EIF2B3: variants seen among roughly 807,000 people sequenced by gnomAD.
EIF2B3 encodes translation initiation factor eIF2B subunit gamma.
In EIF2B3, 20 loss-of-function variants were observed where a neutral mutation model predicts 54.1. That is an observed-to-expected ratio of 0.37 (90% confidence interval 0.26 to 0.54). EIF2B3 has a LOEUF of 0.54. Ranked by LOEUF, EIF2B3 falls within the 20% of genes least tolerant of loss-of-function variation. The probability of loss-of-function intolerance (pLI) is 0.86; values close to 1 mark genes in which losing one functional copy is unlikely to be tolerated. For missense variants in EIF2B3, 448 were observed against 547.8 expected, an observed-to-expected ratio of 0.82 and a Z score of 1.82; for synonymous variants, 153 against 188.1, an observed-to-expected ratio of 0.81 and a Z score of 1.52.
chr1:44,886,345 G>A (rs898211872), intron 6 of EIF2B3, among the ~76,000 whole-genome samples: 50 of 152,152 alleles, frequency 3.3e-4, no homozygotes, highest in African/African-American at 1.2e-3. Flanking sequence ...CTCCCAAAGT[G>A]CTGGGATTAC....
chr1:44,896,276 G>A (rs769824557), intron 6 of EIF2B3, among the ~76,000 whole-genome samples: 12 of 152,186 alleles, frequency 7.9e-5, no homozygotes, highest in Non-Finnish European at 1.5e-4. Flanking sequence ...GGGAAACAGA[G>A]CTATAACAAT....
At chr1:44,926,379 G>T (rs528368473) in intron 5 of EIF2B3, among the ~76,000 whole-genome samples, 1 of 151,736 alleles carries the variant, frequency 6.6e-6, no homozygotes, top group Non-Finnish European at 1.5e-5. Flanking sequence ...AGACAGTCCT[G>T]TTCTCCTCAC....
Position 44,875,671 on chromosome 1 carries a change from A to T in EIF2B3, c.1000T>A (p.Cys334Ser). The T allele has an allele frequency of 6.2e-7, 1 of 1,614,192 alleles. No individual in the cohort carries two copies. The highest frequency in any genetic ancestry group is 8.5e-7 in the Non-Finnish European group (1 of 1,180,034). Residue 334 changes from cysteine to serine, a missense_variant, in exon 9 of 12, where the codon TGT becomes AGT. By Grantham distance (112) the Cys-to-Ser change is moderately radical. This residue lies in a region of EIF2B3 where 350 missense variants were observed against 414.2 expected (regional missense o/e 0.85). Coordinates refer to ENST00000360403, the MANE Select transcript of EIF2B3 (RefSeq NM_020365.5). ...RQVPKLLSALCPEEPPVHSSA... is the reference protein window; with the variant it reads ...RQVPKLLSALSPEEPPVHSSA... The stretch of plus-strand genomic sequence containing the variant: ...GAATGGACTGGTGGTTCTTCTGGAC[A>T]GAGAGCAGACAGCAATTTGGGCACC...
At chr1:44,904,441 G>T (rs1272911809) in intron 5 of EIF2B3, among the ~76,000 whole-genome samples, 3 of 152,264 alleles carry the variant, frequency 2.0e-5, no homozygotes, top group Middle Eastern at 3.4e-3. Context: ...TAACTATCTT[G>T]CAGTGTTCAA....
intron 2 of EIF2B3, among the ~76,000 whole-genome samples, 166 bp downstream of exon 2, chr1:44,980,855 C>T (rs890905734): frequency 3.3e-5 from 5 of 152,016 alleles, no homozygotes; most frequent in Non-Finnish European, 7.4e-5. Context: ...GCTATCCTCT[C>T]AACCTTTTTC....
chr1:44,924,536 T>C (rs1485775858), intron 5 of EIF2B3, among the ~76,000 whole-genome samples: 2 of 151,972 alleles, frequency 1.3e-5, no homozygotes, highest in Non-Finnish European at 1.5e-5. Flanking sequence ...TACAGGCACA[T>C]GCCACCACGC....
chr1:44,978,273 C>CTA, intron 3 of EIF2B3, 42 bp downstream of exon 3: 1 of 1,601,524 alleles, frequency 6.2e-7, no homozygotes. Flanking sequence ...AAGATATCAT[C>CTA]TATCTTCAAT....
At chr1:44,904,202 T>C (rs1249056148) in intron 5 of EIF2B3, among the ~76,000 whole-genome samples, 6 of 152,226 alleles carry the variant, frequency 3.9e-5, no homozygotes, top group African/African-American at 1.4e-4. Context: ...GAGAATGGTA[T>C]TGGGTGAGAA....
At chr1:44,949,584 AGACT>A (rs1270826408) in intron 3 of EIF2B3, among the ~76,000 whole-genome samples, 2 of 152,226 alleles carry the variant, frequency 1.3e-5, no homozygotes, top group African/African-American at 4.8e-5. Flanking sequence ...CCCTTTGTAG[AGACT>A]GACTGTTCAG....
At chr1:44,935,770 G>C (rs1460028833) in intron 4 of EIF2B3, among the ~76,000 whole-genome samples, 4 of 152,088 alleles carry the variant, frequency 2.6e-5, no homozygotes, top group African/African-American at 9.7e-5. Context: ...CAAACTGCTG[G>C]GATTATAGGC....
chr1:44,938,498 C>G lies in EIF2B3; in HGVS notation c.454+3008G>C, dbSNP rs1207396578. Among the ~76,000 whole-genome samples, 15 of 144,144 alleles carry G rather than the reference C, an allele frequency of 1.0e-4. No homozygotes were observed. In the Admixed American group the frequency reaches 1.0e-3, roughly 10 times the overall value. The allele number at this position is 144,144 out of a possible 152,430, so 94.6% of individuals were successfully genotyped here. A position where few individuals can be genotyped will look rare whatever the true frequency, so the allele number is the denominator to read the frequency against. On this transcript the variant is annotated intron_variant, in intron 4 of 11. Transcript: ENST00000360403. ...CTAATTTCTCTCTCTCTCTCTCTCTCTCTGTTTTTTTTTGGGACAGAGTGA... is the reference window on the plus strand; with the variant it reads ...CTAATTTCTCTCTCTCTCTCTCTCTGTCTGTTTTTTTTTGGGACAGAGTGA...
intron 6 of EIF2B3, among the ~76,000 whole-genome samples, chr1:44,891,827 A>G (rs1481532290): frequency 1.3e-5 from 2 of 152,214 alleles, no homozygotes; most frequent in African/African-American, 4.8e-5. Context: ...TGTCTGAGGT[A>G]CTATGCTAGG....
intron 5 of EIF2B3, among the ~76,000 whole-genome samples, chr1:44,919,135 G>T (rs1643686036): frequency 6.6e-6 from 1 of 152,104 alleles, no homozygotes; most frequent in African/African-American, 2.4e-5. Context: ...ATCACTTGAG[G>T]TCAGGAGTTC....
chr1:44,978,648 T>G (rs1189566561), intron 2 of EIF2B3, among the ~76,000 whole-genome samples, 188 bp from the exon 3 acceptor site: 1 of 115,276 alleles, frequency 8.7e-6, no homozygotes, highest in Non-Finnish European at 1.8e-5. Flanking sequence ...TTTTTTTTTT[T>G]TTTTTACAGA....
intron 3 of EIF2B3, among the ~76,000 whole-genome samples, chr1:44,966,079 T>C (rs1219804889): frequency 6.6e-6 from 1 of 151,992 alleles, no homozygotes; most frequent in Non-Finnish European, 1.5e-5. Flanking sequence ...CTATTCACAG[T>C]AAGATATGAA....
intron 3 of EIF2B3, among the ~76,000 whole-genome samples, chr1:44,964,270 C>T (rs553826647): frequency 1.3e-5 from 2 of 152,242 alleles, no homozygotes; most frequent in South Asian, 4.2e-4. Flanking sequence ...GCAACCATGG[C>T]CCACCAAAGC....
intron 5 of EIF2B3, among the ~76,000 whole-genome samples, chr1:44,913,249 C>CA (rs961035811): frequency 2.7e-5 from 4 of 150,504 alleles, no homozygotes; most frequent in African/African-American, 7.3e-5. Flanking sequence ...TTCTGAAATA[C>CA]AAAAAAACTC....
chr1:44,950,649 T>G (rs1445951956), intron 3 of EIF2B3, among the ~76,000 whole-genome samples: 1 of 152,194 alleles, frequency 6.6e-6, no homozygotes, highest in African/African-American at 2.4e-5. Flanking sequence ...ATTATTTAAA[T>G]GATATATACA....
intron 5 of EIF2B3, among the ~76,000 whole-genome samples, chr1:44,923,335 A>G (rs1643789275): frequency 6.6e-6 from 1 of 152,240 alleles, no homozygotes. Context: ...CAAATGTCTA[A>G]AAAGTTCTCA....
Sources: allele counts gnomAD v4.1 joint callset (sites outside exome capture counted in the v4.1 genomes callset), GRCh38; gene constraint gnomAD v4.1.1; regional missense constraint gnomAD v4.1.1; transcripts MANE v1.5; gene names NCBI Gene and HGNC (gene_info 2026-07-23, HGNC 2026-07-21).